STPG2: variants seen among roughly 807,000 people sequenced by gnomAD.
The protein encoded by STPG2 is sperm-tail PG-rich repeat-containing protein 2.
Under a neutral mutation model 54.2 loss-of-function variants are expected in STPG2, and 56 were observed. The ratio of observed to expected loss-of-function variants is 1.03; its 90% CI spans 0.83 to 1.29. The LOEUF is 1.29. STPG2 is among the 50% of genes most tolerant of loss of function. The pLI is 0.00. For synonymous variants in STPG2, 200 were observed against 181.8 expected (o/e 1.10, Z -0.81); for missense variants, 596 against 544.9 (o/e 1.09, Z -0.93).
intron 10 of STPG2, among the ~76,000 whole-genome samples, chr4:97,588,876 T>A (rs1301709654): frequency 1.3e-5 from 2 of 152,156 alleles, no homozygotes; most frequent in Non-Finnish European, 2.9e-5. Context: ...TAGCATTTTC[T>A]ATGCTACCTA....
At chr4:97,854,472 T>C (rs143121311) in intron 8 of STPG2, among the ~76,000 whole-genome samples, 295 of 148,304 alleles carry the variant, frequency 2.0e-3, no homozygotes, top group African/African-American at 7.1e-3. Context: ...ATATAATGTA[T>C]CATATATAAT....
intron 9 of STPG2, among the ~76,000 whole-genome samples, chr4:97,733,195 G>A (rs550307429): frequency 7.2e-5 from 11 of 152,154 alleles, no homozygotes; most frequent in South Asian, 4.2e-4. Flanking sequence ...TGTTAAATGC[G>A]CATCAACTAA....
intron 9 of STPG2, among the ~76,000 whole-genome samples, chr4:97,781,380 GGAA>G (rs1209775892): frequency 6.6e-6 from 1 of 152,118 alleles, no homozygotes; most frequent in East Asian, 1.9e-4. Flanking sequence ...GACTAAACCA[GGAA>G]GAAGTTGAAT....
chr4:97,554,355 G>T (rs546009565), downstream of STPG2, among the ~76,000 whole-genome samples: 1 of 152,278 alleles, frequency 6.6e-6, no homozygotes, highest in South Asian at 2.1e-4. Flanking sequence ...CAGTCTTCAG[G>T]GGAGTCCCGA....
intron 6 of STPG2, among the ~76,000 whole-genome samples, chr4:97,974,202 T>G (rs1734429996): frequency 6.6e-6 from 1 of 152,232 alleles, no homozygotes; most frequent in Non-Finnish European, 1.5e-5. Flanking sequence ...ATTTCAGACT[T>G]GCATAGGGCC....
chr4:97,736,925 C>T lies in STPG2; in HGVS notation c.1205-24111G>A, dbSNP rs574937398. The stretch of plus-strand genomic sequence containing the variant: ...TGCCTTGTCAAGTGGGTCCCTGACC[C>T]CTGACCCCCCAGCAGCCTAACAGGG... On this transcript the variant is annotated intron_variant, in intron 9 of 10. Coordinates refer to ENST00000295268, the MANE Select transcript of STPG2 (RefSeq NM_174952.3). 4.6e-5 allele frequency among the ~76,000 whole-genome samples: 7 copies of T among 152,164 alleles called. No individual in the cohort carries two copies. The East Asian group carries it at 9.7e-4, about 21-fold the overall frequency.
At chr4:97,903,872 G>C (rs566687965) in intron 8 of STPG2, among the ~76,000 whole-genome samples, 1 of 152,172 alleles carries the variant, frequency 6.6e-6, no homozygotes, top group Non-Finnish European at 1.5e-5. Context: ...ACTCCCACCC[G>C]AATACTGCGC....
At chr4:98,109,653 T>C (rs1739290151) in intron 3 of STPG2, among the ~76,000 whole-genome samples, 1 of 152,148 alleles carries the variant, frequency 6.6e-6, no homozygotes, top group South Asian at 2.1e-4. Flanking sequence ...GGGGATAACA[T>C]TATTTGGGAA....
intron 9 of STPG2, among the ~76,000 whole-genome samples, chr4:97,742,427 G>A (rs1055130535): frequency 2.0e-5 from 3 of 150,940 alleles, no homozygotes; most frequent in African/African-American, 7.3e-5. Context: ...TTCTTAAAGA[G>A]ATAGCTGCAC....
chr4:97,612,038 A>G (rs1733742983), intron 10 of STPG2, among the ~76,000 whole-genome samples: 1 of 151,910 alleles, frequency 6.6e-6, no homozygotes, highest in South Asian at 2.1e-4. Context: ...AAGATTACAA[A>G]TGTTTTAATC....
intron 7 of STPG2, among the ~76,000 whole-genome samples, chr4:97,965,758 A>T (rs1158995397): frequency 6.6e-6 from 1 of 152,178 alleles, no homozygotes; most frequent in East Asian, 1.9e-4. Flanking sequence ...ACTCCAACAG[A>T]CCTGCAGCTG....
At chr4:97,862,968 G>A (rs1028888281) in intron 8 of STPG2, among the ~76,000 whole-genome samples, 2 of 152,114 alleles carry the variant, frequency 1.3e-5, no homozygotes, top group Non-Finnish European at 1.5e-5. Context: ...GAAATTTATA[G>A]CACTAAATGC....
chr4:97,447,017 T>C (rs1028128921), intron 4 of STPG2, among the ~76,000 whole-genome samples: 1 of 152,146 alleles, frequency 6.6e-6, no homozygotes, highest in African/African-American at 2.4e-5. Context: ...GAGGAAAAGT[T>C]TGGAACTTCC....
rs560514168 is a variant in STPG2, at chr4:97,443,027, A to C, written c.463-255194T>G. On this transcript the variant is annotated intron_variant, in intron 4 of 4. Coordinates refer to the STPG2 transcript ENST00000522676. ...AGAAATTCAGACATGGCAAAGAATA[A>C]CTTGTTGCAGTCCATGCAACAAATA... is the stretch of plus-strand genomic sequence containing the variant. 3.3e-5 allele frequency among the ~76,000 whole-genome samples: 5 copies of C among 152,262 alleles called. No homozygotes were observed. The South Asian group carries it at 1.0e-3, about 32-fold the overall frequency.
At chr4:97,637,936 T>C (rs918557043) in intron 10 of STPG2, among the ~76,000 whole-genome samples, 1 of 151,938 alleles carries the variant, frequency 6.6e-6, no homozygotes, top group Non-Finnish European at 1.5e-5. Context: ...ATTTACAGAT[T>C]CAATGCCATC....
chr4:97,993,279 G>A (rs1735079822), intron 5 of STPG2, among the ~76,000 whole-genome samples: 2 of 151,992 alleles, frequency 1.3e-5, no homozygotes, highest in South Asian at 4.1e-4. Flanking sequence ...TTTTGCTGAG[G>A]GTTTAATCCT....
At chr4:98,086,666 G>GGAAAAA (rs1738524243) in intron 5 of STPG2, among the ~76,000 whole-genome samples, 3 of 94,926 alleles carry the variant, frequency 3.2e-5, no homozygotes, top group Non-Finnish European at 6.1e-5. Flanking sequence ...ATGCATGCCA[G>GGAAAAA]AAAAAAAAAA....
At chr4:97,555,900 C>T (rs1276680368), downstream of STPG2, among the ~76,000 whole-genome samples, 1 of 152,048 alleles carries the variant, frequency 6.6e-6, no homozygotes, top group Admixed American at 6.5e-5. Flanking sequence ...TGTATCATTC[C>T]ATCAGCTACA....
At chr4:98,102,062 T>C (rs6817529) in intron 5 of STPG2, among the ~76,000 whole-genome samples, 60,108 of 151,970 alleles carry the variant, frequency 0.4, 12,133 homozygotes, top group Middle Eastern at 0.46. Context: ...TAAAATGGGA[T>C]CTTTTTCTTC....
Sources: allele counts gnomAD v4.1 joint callset (sites outside exome capture counted in the v4.1 genomes callset), GRCh38; gene constraint gnomAD v4.1.1; transcripts MANE v1.5; gene names NCBI Gene and HGNC (gene_info 2026-07-23, HGNC 2026-07-21).